EYS: variants seen among roughly 807,000 people sequenced by gnomAD.
The protein encoded by EYS is EGF-like photoreceptor maintenance factor, also known as protein eyes shut homolog.
In EYS, 250 loss-of-function variants were observed where a neutral mutation model predicts 282.1. That is an observed-to-expected ratio of 0.89 (90% confidence interval 0.80 to 0.98). EYS has a LOEUF of 0.98. Ranked by LOEUF, EYS falls within the 50% of genes least tolerant of loss-of-function variation. The probability of loss-of-function intolerance (pLI) is 0.00; values close to 1 mark genes in which losing one functional copy is unlikely to be tolerated. For synonymous variants in EYS, 1,355 were observed against 1,282.9 expected (o/e 1.06, Z -1.20); for missense variants, 4,016 against 3,709.0 (o/e 1.08, Z -2.15).
chr6:65,086,110 G>A (rs12203260), intron 12 of EYS, among the ~76,000 whole-genome samples: 41,903 of 150,654 alleles, frequency 0.28, 6,053 homozygotes, highest in South Asian at 0.34. Flanking sequence ...AATAGATGAT[G>A]GCAAAAAGAA....
intron 26 of EYS, among the ~76,000 whole-genome samples, chr6:64,524,794 T>C (rs1229892384): frequency 3.3e-5 from 5 of 151,890 alleles, no homozygotes; most frequent in Non-Finnish European, 7.4e-5. Context: ...TGTGGCCTTA[T>C]TTTTGGGCTC....
rs1161822790 is a variant in EYS, at chr6:65,094,344, G to T, written c.2024-36617C>A. Among the ~76,000 whole-genome samples the T allele has an allele frequency of 3.1e-5, 4 of 127,276 alleles. No homozygotes were observed. In the East Asian group the frequency reaches 9.0e-4, roughly 29 times the overall value. 83.5% of individuals were successfully genotyped at this position (127,276 alleles called of 152,430 possible). Reference sequence around the variant, plus strand: ...AAAAAAAAAAAAAAAAAAGCAAACCGAGGACTAAAACAATACTATAGACCA... The same window carrying T: ...AAAAAAAAAAAAAAAAAAGCAAACCTAGGACTAAAACAATACTATAGACCA... On this transcript the variant is annotated intron_variant, in intron 12 of 42. Transcript: ENST00000503581.
At chr6:63,961,334 C>T (rs1000300920) in intron 35 of EYS, among the ~76,000 whole-genome samples, 1 of 152,130 alleles carries the variant, frequency 6.6e-6, no homozygotes, top group Admixed American at 6.6e-5. Flanking sequence ...ATTCCACCAT[C>T]GTGATTTGTT....
At chr6:64,387,044 T>C (rs1359377115) in intron 29 of EYS, among the ~76,000 whole-genome samples, 1 of 152,304 alleles carries the variant, frequency 6.6e-6, no homozygotes, top group South Asian at 2.1e-4. Context: ...TTAATTATTC[T>C]CTGGCTCCCA....
chr6:64,644,622 G>C (rs988004794), intron 22 of EYS, among the ~76,000 whole-genome samples: 1 of 152,138 alleles, frequency 6.6e-6, no homozygotes, highest in Non-Finnish European at 1.5e-5. Flanking sequence ...CTAATATCCA[G>C]AGAAGTAGTA....
intron 12 of EYS, among the ~76,000 whole-genome samples, chr6:65,122,703 G>GA (rs1300020277): frequency 3.3e-5 from 5 of 151,834 alleles, no homozygotes; most frequent in African/African-American, 1.2e-4. Flanking sequence ...TAAAAAGTGA[G>GA]AAAAAATATA....
At chr6:64,570,066 G>A (rs1765677386) in intron 26 of EYS, among the ~76,000 whole-genome samples, 1 of 152,308 alleles carries the variant, frequency 6.6e-6, no homozygotes, top group South Asian at 2.1e-4. Flanking sequence ...ACCCCATAAG[G>A]GAAGCCCATC....
chr6:64,265,427 G>A (rs1767724033), intron 30 of EYS, among the ~76,000 whole-genome samples: 1 of 152,086 alleles, frequency 6.6e-6, no homozygotes, highest in African/African-American at 2.4e-5. Context: ...AAATGTCTTA[G>A]CCTGATGCTA....
At chr6:65,592,359 T>C (rs1765261016) in intron 2 of EYS, among the ~76,000 whole-genome samples, 1 of 152,002 alleles carries the variant, frequency 6.6e-6, no homozygotes, top group Non-Finnish European at 1.5e-5. Flanking sequence ...AATTATGCAT[T>C]GAATTCAAGT....
intron 41 of EYS, among the ~76,000 whole-genome samples, chr6:63,735,555 C>A (rs953947946): frequency 1.3e-5 from 2 of 151,674 alleles, no homozygotes; most frequent in African/African-American, 2.4e-5. Context: ...CCTATAAAAA[C>A]AAGCTAAAGA....
intron 5 of EYS, among the ~76,000 whole-genome samples, chr6:65,484,138 A>C (rs967680045): frequency 1.6e-5 from 1 of 61,808 alleles, no homozygotes; most frequent in Non-Finnish European, 2.8e-5. Flanking sequence ...AAAATATTTC[A>C]AAAAAAAAAA....
At chr6:65,348,352 C>T (rs1354585128) in intron 9 of EYS, among the ~76,000 whole-genome samples, 1 of 151,700 alleles carries the variant, frequency 6.6e-6, no homozygotes, top group East Asian at 1.9e-4. Flanking sequence ...TTCCCACCAA[C>T]AGTGTACAAG....
At chr6:63,888,157 A>C (rs1380761047) in intron 35 of EYS, among the ~76,000 whole-genome samples, 1 of 152,164 alleles carries the variant, frequency 6.6e-6, no homozygotes, top group Non-Finnish European at 1.5e-5. Flanking sequence ...TTATAGACAA[A>C]ACTCCCATCT....
In EYS at chr6:65,437,477, G is replaced by A. The variant is rs547066955; in HGVS notation, c.863-32110C>T. On this transcript the variant is annotated intron_variant, in intron 5 of 42. Transcript: ENST00000503581. ...GAAATCAGTTTCTTTCATTGTTATC[G>A]CCACAATTATAATGGGAAATTGAGA... 2.6e-5 allele frequency among the ~76,000 whole-genome samples: 4 copies of A among 152,008 alleles called. 1 individual carries two copies. Among genetic ancestry groups the A allele is most frequent in the South Asian group, 4.2e-4 (2 of 4,808 alleles).
chr6:64,127,730 C>T lies in EYS; in HGVS notation c.6425-45728G>A, dbSNP rs540156618. ...AACTAAAAAACAAATGTATCTGGGG[C>T]AATACACCCAAATGAAAAGCAAAGA... is the stretch of plus-strand genomic sequence containing the variant. On this transcript the variant is annotated intron_variant, in intron 31 of 42. Transcript: ENST00000503581. 7.2e-5 allele frequency among the ~76,000 whole-genome samples: 11 copies of T among 152,132 alleles called. No individual in the cohort carries two copies. In the South Asian group the frequency reaches 2.3e-3, roughly 32 times the overall value.
At chr6:64,914,776 A>C (rs1028309397) in intron 15 of EYS, among the ~76,000 whole-genome samples, 1 of 152,152 alleles carries the variant, frequency 6.6e-6, no homozygotes, top group Non-Finnish European at 1.5e-5. Context: ...AATCCAATGC[A>C]TTGTAAGCCA....
At chr6:64,060,983 C>T (rs1406545046) in intron 33 of EYS, among the ~76,000 whole-genome samples, 1 of 152,134 alleles carries the variant, frequency 6.6e-6, no homozygotes, top group Non-Finnish European at 1.5e-5. Flanking sequence ...TAATACAGTT[C>T]TTGGCCAACA....
intron 19 of EYS, among the ~76,000 whole-genome samples, chr6:64,825,291 T>C (rs1765016959): frequency 6.6e-6 from 1 of 151,900 alleles, no homozygotes; most frequent in African/African-American, 2.4e-5. Context: ...TCCTGTTTTA[T>C]GTTTCCCTCC....
chr6:64,554,685 A>C, intron 26 of EYS, among the ~76,000 whole-genome samples: 1 of 152,140 alleles, frequency 6.6e-6, no homozygotes, highest in East Asian at 1.9e-4. Flanking sequence ...ATTTAACAAT[A>C]AGGAAACAAA....
Sources: allele counts gnomAD v4.1 joint callset (sites outside exome capture counted in the v4.1 genomes callset), GRCh38; gene constraint gnomAD v4.1.1; transcripts MANE v1.5; gene names NCBI Gene and HGNC (gene_info 2026-07-23, HGNC 2026-07-21).